The following DAB1 variants were observed in gnomAD, a reference collection of about 807,000 sequenced individuals.
DAB1 encodes the protein disabled homolog 1.
A neutral mutation model predicts 64.6 loss-of-function variants in DAB1; 15 were observed. That is an observed-to-expected ratio of 0.23 (90% CI 0.16 to 0.36). DAB1 has a LOEUF of 0.36. Among genes scored for constraint, DAB1 ranks in the 10% least tolerant of loss-of-function variants. DAB1 has a pLI of 1.00. For synonymous variants in DAB1, 235 were observed against 251.9 expected, an observed-to-expected ratio of 0.93 and a Z score of 0.64; for missense variants, 596 against 706.7, an observed-to-expected ratio of 0.84 and a Z score of 1.78.
intron 4 of DAB1, among the ~76,000 whole-genome samples, chr1:58,175,820 G>A (rs75537860): frequency 0.011 from 1,662 of 152,192 alleles, 31 homozygotes; most frequent in African/African-American, 0.038. Context: ...CCAAAGTCTC[G>A]GGTTATTATC....
At chr1:57,468,657 G>A (rs868094591) in intron 7 of DAB1, among the ~76,000 whole-genome samples, 31 of 152,054 alleles carry the variant, frequency 2.0e-4, no homozygotes, top group Admixed American at 1.0e-3. Context: ...ATATTTGGGG[G>A]TTGTAAGAAG....
At chr1:57,260,717 G>A (rs920424534) in intron 2 of DAB1, among the ~76,000 whole-genome samples, 1 of 152,150 alleles carries the variant, frequency 6.6e-6, no homozygotes, top group African/African-American at 2.4e-5. Context: ...TCACAAAGCA[G>A]GTTTGCAGCA....
intron 9 of DAB1, among the ~76,000 whole-genome samples, chr1:57,032,503 A>C (rs1646996028): frequency 6.6e-6 from 1 of 152,120 alleles, no homozygotes; most frequent in African/African-American, 2.4e-5. Flanking sequence ...GACGCAAATT[A>C]GAAGGCTTTC....
intron 5 of DAB1, among the ~76,000 whole-genome samples, chr1:58,105,682 G>C (rs1312452525): frequency 6.6e-6 from 1 of 152,174 alleles, no homozygotes; most frequent in Non-Finnish European, 1.5e-5. Flanking sequence ...AAATTCCTAA[G>C]TGTTTCATCA....
At chr1:57,782,046 T>C (rs905391953) in intron 6 of DAB1, among the ~76,000 whole-genome samples, 6 of 152,194 alleles carry the variant, frequency 3.9e-5, no homozygotes, top group African/African-American at 1.4e-4. Flanking sequence ...ATTAAGCCTA[T>C]TTTACAGATG....
At chr1:57,196,696 A>G (rs2100242361) in intron 2 of DAB1, among the ~76,000 whole-genome samples, 1 of 152,380 alleles carries the variant, frequency 6.6e-6, no homozygotes, top group East Asian at 1.9e-4. Flanking sequence ...CAGCAAAGTC[A>G]ATTGTTAACA....
At chr1:58,430,940 G>A (rs550235872) in intron 3 of DAB1, among the ~76,000 whole-genome samples, 140 of 152,300 alleles carry the variant, frequency 9.2e-4, no homozygotes, top group Non-Finnish European at 1.5e-3. Flanking sequence ...CACCTCACAG[G>A]TGAACGCAGA....
At chr1:58,100,194 C>A (rs1330015035) in intron 5 of DAB1, among the ~76,000 whole-genome samples, 2 of 152,196 alleles carry the variant, frequency 1.3e-5, no homozygotes, top group Admixed American at 1.3e-4. Context: ...ATATCCAGAA[C>A]TTTTCCATCA....
chr1:57,578,187 G>C (rs1645272640), intron 7 of DAB1, among the ~76,000 whole-genome samples: 1 of 152,218 alleles, frequency 6.6e-6, no homozygotes, highest in Admixed American at 6.5e-5. Flanking sequence ...GGCCATAGCA[G>C]GGAGCTGTGC....
At chr1:57,022,360 A>G (rs1229377672) in intron 11 of DAB1, among the ~76,000 whole-genome samples, 1 of 152,240 alleles carries the variant, frequency 6.6e-6, no homozygotes. Context: ...ATATTTTAAT[A>G]TCTATTTTAG....
At chr1:57,562,458 C>T (rs1645064182) in intron 7 of DAB1, among the ~76,000 whole-genome samples, 1 of 152,262 alleles carries the variant, frequency 6.6e-6, no homozygotes, top group African/African-American at 2.4e-5. Context: ...TGTTCCCCAT[C>T]ATCTCAAAGC....
chr1:58,004,634 A>G (rs932642254), intron 5 of DAB1, among the ~76,000 whole-genome samples: 1 of 152,192 alleles, frequency 6.6e-6, no homozygotes, highest in African/African-American at 2.4e-5. Flanking sequence ...GAATGCATAG[A>G]ATGTCCTTGG....
intron 7 of DAB1, among the ~76,000 whole-genome samples, chr1:57,589,856 A>C (rs983871131): frequency 3.9e-5 from 6 of 152,210 alleles, no homozygotes; most frequent in African/African-American, 1.4e-4. Context: ...ATGTAAGCTA[A>C]CATAACAATA....
chr1:57,443,389 G>A (rs1346978142), intron 7 of DAB1, among the ~76,000 whole-genome samples: 4 of 152,202 alleles, frequency 2.6e-5, no homozygotes, highest in African/African-American at 9.6e-5. Context: ...CATGTGCCAT[G>A]TCTCTTCAAG....
intron 1 of DAB1, among the ~76,000 whole-genome samples, chr1:57,298,867 A>G (rs1673408858): frequency 1.3e-5 from 2 of 152,232 alleles, no homozygotes; most frequent in South Asian, 4.1e-4. Flanking sequence ...AAGAGAGAAA[A>G]GATCAGTTAC....
intron 2 of DAB1, among the ~76,000 whole-genome samples, chr1:57,167,675 T>A (rs1462385014): frequency 6.6e-6 from 1 of 152,156 alleles, no homozygotes; most frequent in Non-Finnish European, 1.5e-5. Context: ...AGATTACCAA[T>A]TTCTCCTTTA....
At chr1:57,350,057 C>T (rs1678454103) in intron 1 of DAB1, among the ~76,000 whole-genome samples, 1 of 152,058 alleles carries the variant, frequency 6.6e-6, no homozygotes, top group Non-Finnish European at 1.5e-5. Context: ...TGCCAATAGC[C>T]CAGGGTTCTT....
intron 7 of DAB1, among the ~76,000 whole-genome samples, chr1:57,438,490 T>C (rs977715508): frequency 1.3e-5 from 2 of 152,128 alleles, no homozygotes; most frequent in Non-Finnish European, 2.9e-5. Flanking sequence ...CAAAAGAGCA[T>C]CTGGTCACTC....
At chr1:57,455,038 A>G (rs1686532877) in intron 7 of DAB1, among the ~76,000 whole-genome samples, 1 of 152,180 alleles carries the variant, frequency 6.6e-6, no homozygotes, top group African/African-American at 2.4e-5. Flanking sequence ...TAGGGAAGGA[A>G]GAGGAGACAC....
Sources: gnomAD v4.1 joint callset for allele counts (sites outside exome capture counted in the v4.1 genomes callset) on GRCh38, gnomAD v4.1.1 for gene constraint, MANE v1.5 for transcripts, NCBI Gene and HGNC (gene_info 2026-07-23, HGNC 2026-07-21) for gene names.